Variants in HDX observed in about 807,000 individuals in gnomAD.
The protein encoded by HDX is chromosome X open reading frame 43.
A neutral mutation model predicts 45.2 loss-of-function variants in HDX; 19 were observed. That is an observed-to-expected ratio of 0.42 (90% CI 0.29 to 0.62). The LOEUF is 0.62. Among genes scored for constraint, HDX ranks in the 20% least tolerant of loss-of-function variants. The pLI is 0.20. For missense variants in HDX, 532 were observed against 493.9 expected (o/e 1.08, Z -0.73); for synonymous variants, 188 against 172.8 (o/e 1.09, Z -0.69).
chrX:84,405,664 A>ATGTG (rs35051495), intron 5 of HDX, among the ~76,000 whole-genome samples: 108 of 87,279 alleles, frequency 1.2e-3, no homozygotes, highest in Middle Eastern at 6.0e-3. Flanking sequence ...ATATATATAT[A>ATGTG]TGTGTGTGTG....
chrX:84,435,773 A>G (rs1051032132), intron 5 of HDX, among the ~76,000 whole-genome samples: 1 of 108,264 alleles, frequency 9.2e-6, no homozygotes, highest in African/African-American at 3.4e-5. Context: ...AAAAGTCAGG[A>G]AACAACAGGT....
At chrX:84,387,512 T>G (rs1474923890) in intron 5 of HDX, among the ~76,000 whole-genome samples, 13 of 112,159 alleles carry the variant, frequency 1.2e-4, no homozygotes, top group Non-Finnish European at 2.3e-4. Flanking sequence ...ACTCCAATGT[T>G]TGATCTACAT....
At chrX:84,434,784 G>A (rs1375591599) in intron 5 of HDX, among the ~76,000 whole-genome samples, 1 of 111,556 alleles carries the variant, frequency 9.0e-6, no homozygotes, top group Non-Finnish European at 1.9e-5. Flanking sequence ...ATTCAGTGAT[G>A]AAGCCATTCA....
At chrX:84,404,083 G>T (rs1201382843) in intron 5 of HDX, 2 of 110,974 alleles carry the variant, frequency 1.8e-5, no homozygotes, top group Non-Finnish European at 3.8e-5. Flanking sequence ...AAATGAATCA[G>T]ACTGGTAATC....
rs368874973 is a variant in HDX, at chrX:84,365,314, A to G, written c.1306-3702T>C. On this transcript the variant is annotated intron_variant, in intron 5 of 10. Transcript: ENST00000373177. ...CTCCTCTGCTTCCCACTGGTGAGAA[A>G]GGGATTTTTGACCTAAAGTCATAGG... 9.9e-5 allele frequency among the ~76,000 whole-genome samples: 11 copies of G among 111,395 alleles called. No homozygotes were observed. The South Asian group carries it at 4.2e-3, about 42-fold the overall frequency.
Position 84,336,822 on chromosome X carries a change from A to C in HDX, c.1719T>G (p.His573Gln). 8.4e-7 allele frequency: 1 copy of C among 1,184,553 alleles called. No homozygotes were observed. The highest frequency in any genetic ancestry group is 1.8e-5 in the African/African-American group (1 of 57,114). The change falls in exon 8 of 11, where the codon CAT becomes CAG. Residue 573 changes from histidine (H) to glutamine (Q), a missense_variant. Coordinates refer to ENST00000373177, the MANE Select transcript of HDX (RefSeq NM_001177479.2). ...DARAHKEEDH[H>Q]AVTTDNVKIE... ...ATACCACATTATCTGTGGTTACTGCATGGTGGTCCTCTTCCTTATGAGCCC... is the reference window on the plus strand; with the variant it reads ...ATACCACATTATCTGTGGTTACTGCCTGGTGGTCCTCTTCCTTATGAGCCC...
At chrX:84,459,391 G>C (rs1054283791) in intron 4 of HDX, among the ~76,000 whole-genome samples, 9 of 109,249 alleles carry the variant, frequency 8.2e-5, no homozygotes, top group Non-Finnish European at 1.5e-4. Flanking sequence ...GCAGTGAGCC[G>C]AGATCATGTC....
intron 1 of HDX, among the ~76,000 whole-genome samples, chrX:84,499,031 T>C (rs921492807): frequency 1.8e-5 from 2 of 112,107 alleles, no homozygotes; most frequent in Non-Finnish European, 3.8e-5. Flanking sequence ...CTTTGAAATA[T>C]GTTTTCTCAT....
chrX:84,412,347 GGT>G (rs2039008351), intron 5 of HDX, among the ~76,000 whole-genome samples: 1 of 110,814 alleles, frequency 9.0e-6, no homozygotes, highest in Admixed American at 9.6e-5. Flanking sequence ...TTATAAGGCA[GGT>G]CTGGTATTAA....
At chrX:84,489,456 A>G (rs1442187821) in intron 1 of HDX, among the ~76,000 whole-genome samples, 1 of 111,994 alleles carries the variant, frequency 8.9e-6, no homozygotes, top group Admixed American at 9.5e-5. Flanking sequence ...TGGGAGAAGG[A>G]AAGAGTTGTT....
At chrX:84,418,625 A>G (rs1333697560) in intron 5 of HDX, among the ~76,000 whole-genome samples, 2 of 109,351 alleles carry the variant, frequency 1.8e-5, no homozygotes, top group African/African-American at 3.4e-5. Flanking sequence ...AAGTTATGCA[A>G]TCAAAGGTTC....
At chrX:84,349,403 A>ATATGTG (rs1229240400) in intron 6 of HDX, among the ~76,000 whole-genome samples, 3 of 68,491 alleles carry the variant, frequency 4.4e-5, no homozygotes, top group Non-Finnish European at 5.4e-5. Flanking sequence ...ATATATATAT[A>ATATGTG]TGTGTGTGTG....
intron 5 of HDX, among the ~76,000 whole-genome samples, chrX:84,432,313 T>A (rs896707472): frequency 1.8e-5 from 2 of 112,033 alleles, no homozygotes; most frequent in African/African-American, 6.5e-5. Flanking sequence ...GCTTTGGCTA[T>A]TTGGGATCAT....
At chrX:84,336,779 A>G in intron 8 of HDX, 22 bp downstream of exon 8, 1 of 1,017,155 alleles carries the variant, frequency 9.8e-7, no homozygotes, top group Non-Finnish European at 1.4e-6. Flanking sequence ...GTAATGAGAA[A>G]AGAATTTCAA....
intron 9 of HDX, among the ~76,000 whole-genome samples, chrX:84,332,515 G>A (rs1315979560): frequency 9.0e-6 from 1 of 110,812 alleles, no homozygotes; most frequent in African/African-American, 3.3e-5. Context: ...AGAGGGGAGA[G>A]GTCTTGGAAA....
chrX:84,446,253 T>TA (rs1454498006), intron 4 of HDX, among the ~76,000 whole-genome samples: 2 of 111,773 alleles, frequency 1.8e-5, no homozygotes, highest in Non-Finnish European at 3.8e-5. Flanking sequence ...TCTACTCAGG[T>TA]AAAAAAATAG....
At chrX:84,489,540 A>G (rs1261430570) in intron 1 of HDX, among the ~76,000 whole-genome samples, 1 of 111,722 alleles carries the variant, frequency 9.0e-6, no homozygotes, top group Non-Finnish European at 1.9e-5. Context: ...ATTTTTGTGT[A>G]CCAGTGATAG....
At chrX:84,491,068 T>C (rs887906011) in intron 1 of HDX, among the ~76,000 whole-genome samples, 1 of 111,540 alleles carries the variant, frequency 9.0e-6, no homozygotes, top group African/African-American at 3.3e-5. Flanking sequence ...TTCTTGGGTA[T>C]GTGGGTTCAT....
At chrX:84,444,010 A>C (rs925383438) in intron 4 of HDX, among the ~76,000 whole-genome samples, 1 of 111,534 alleles carries the variant, frequency 9.0e-6, no homozygotes, top group African/African-American at 3.2e-5. Context: ...TAAATGTCAC[A>C]AGGGAGGTAC....
Sources: allele counts gnomAD v4.1 joint callset (sites outside exome capture counted in the v4.1 genomes callset), GRCh38; gene constraint gnomAD v4.1.1; transcripts MANE v1.5; gene names NCBI Gene and HGNC (gene_info 2026-07-23, HGNC 2026-07-21).